TENM1: variants seen among roughly 807,000 people sequenced by gnomAD.
The protein encoded by TENM1 is teneurin transmembrane protein 1, also known as teneurin-1.
In TENM1, 35 loss-of-function variants were observed where a neutral mutation model predicts 174.8. The ratio of observed to expected loss-of-function variants is 0.20; its 90% CI spans 0.15 to 0.27. TENM1 has a LOEUF of 0.27. Among genes scored for constraint, TENM1 ranks in the 10% least tolerant of loss-of-function variants. The probability of loss-of-function intolerance (pLI) is 1.00; values close to 1 mark genes in which losing one functional copy is unlikely to be tolerated. For synonymous variants in TENM1, 781 were observed against 798.7 expected (o/e 0.98, Z 0.37); for missense variants, 1,633 against 2,130.1 (o/e 0.77, Z 4.59).
chrX:124,415,077 T>C (rs2060579461), intron 25 of TENM1, among the ~76,000 whole-genome samples: 1 of 112,185 alleles, frequency 8.9e-6, no homozygotes, highest in African/African-American at 3.2e-5. Context: ...GTAGGTCAAA[T>C]GCTGTGTTCT....
chrX:124,874,591 A>G (rs917371271), intron 3 of TENM1, among the ~76,000 whole-genome samples: 1 of 110,560 alleles, frequency 9.0e-6, no homozygotes, highest in Non-Finnish European at 1.9e-5. Context: ...TATGGCTTCT[A>G]GTTTTTTGGG....
At chrX:124,901,788 A>G (rs1170376075) in intron 1 of TENM1, among the ~76,000 whole-genome samples, 1 of 111,758 alleles carries the variant, frequency 8.9e-6, no homozygotes, top group African/African-American at 3.3e-5. Flanking sequence ...TTTTTCTAAA[A>G]TTCTACCTCC....
At chrX:124,950,525 T>C (rs976853780) in intron 1 of TENM1, among the ~76,000 whole-genome samples, 3 of 111,894 alleles carry the variant, frequency 2.7e-5, no homozygotes, top group African/African-American at 9.7e-5. Context: ...GATCAACAAA[T>C]AGGTATTGAA....
At chrX:124,722,611 C>T (rs777757379) in intron 4 of TENM1, among the ~76,000 whole-genome samples, 7 of 110,457 alleles carry the variant, frequency 6.3e-5, no homozygotes, top group Non-Finnish European at 1.1e-4. Context: ...AAGGCCGAAG[C>T]GGGCGGATCA....
chrX:124,580,953 C>G (rs1197734247), intron 11 of TENM1, among the ~76,000 whole-genome samples: 1 of 110,045 alleles, frequency 9.1e-6, no homozygotes, highest in African/African-American at 3.3e-5. Context: ...TTGGCTCCCA[C>G]TTATAAGCAA....
the TENM1 span, among the ~76,000 whole-genome samples, chrX:125,037,118 T>G: frequency 9.0e-6 from 1 of 111,628 alleles, no homozygotes; most frequent in Non-Finnish European, 1.9e-5. Context: ...ATTCGTTCCT[T>G]TATTCCTTTA....
At chrX:124,542,832 G>T (rs146441053) in intron 15 of TENM1, among the ~76,000 whole-genome samples, 1 of 111,203 alleles carries the variant, frequency 9.0e-6, no homozygotes, top group Non-Finnish European at 1.9e-5. Flanking sequence ...GTACTCCAGC[G>T]AACTAAGGGG....
chrX:124,976,917 C>T, the TENM1 span, among the ~76,000 whole-genome samples: 8 of 112,096 alleles, frequency 7.1e-5, no homozygotes, highest in South Asian at 3.0e-3. Flanking sequence ...AAGAACATAG[C>T]ACAAATAGAA....
At chrX:125,158,182 A>C in the TENM1 span, among the ~76,000 whole-genome samples, 2 of 109,969 alleles carry the variant, frequency 1.8e-5, no homozygotes, top group African/African-American at 6.6e-5. Context: ...AGGTGGGCAG[A>C]TCACGAGGTC....
intron 3 of TENM1, among the ~76,000 whole-genome samples, chrX:124,870,728 G>A (rs1003912447): frequency 7.2e-5 from 8 of 110,562 alleles, no homozygotes; most frequent in African/African-American, 2.6e-4. Flanking sequence ...AGAAGGAGGT[G>A]AGGTAACAAG....
chrX:124,455,800 C>T (rs983999151), intron 22 of TENM1, among the ~76,000 whole-genome samples: 1 of 111,186 alleles, frequency 9.0e-6, no homozygotes, highest in African/African-American at 3.3e-5. Context: ...TGAAGTGTTG[C>T]TCTTATGAGG....
intron 3 of TENM1, among the ~76,000 whole-genome samples, chrX:124,823,654 G>C (rs184079388): frequency 0.054 from 5,942 of 109,509 alleles, 261 homozygotes; most frequent in African/African-American, 0.14. Context: ...GTTTTTCCTC[G>C]TGAAAAAAAT....
intron 4 of TENM1, among the ~76,000 whole-genome samples, chrX:124,735,967 T>C (rs1482398217): frequency 1.8e-5 from 2 of 111,231 alleles, no homozygotes; most frequent in Non-Finnish European, 3.8e-5. Context: ...GTTAGAAAAT[T>C]ACCTATTGGG....
chrX:124,979,472 A>G, the TENM1 span, among the ~76,000 whole-genome samples: 1 of 111,908 alleles, frequency 8.9e-6, no homozygotes, highest in Non-Finnish European at 1.9e-5. Context: ...AAAATGTAAA[A>G]TGTTTCATTA....
intron 11 of TENM1, among the ~76,000 whole-genome samples, chrX:124,593,317 G>A (rs1438994579): frequency 9.0e-6 from 1 of 111,619 alleles, no homozygotes; most frequent in African/African-American, 3.3e-5. Context: ...CCAAATGCCT[G>A]GAGATCTGCC....
At chrX:124,532,726 TA>T (rs2048134013) in intron 15 of TENM1, among the ~76,000 whole-genome samples, 1 of 111,835 alleles carries the variant, frequency 8.9e-6, no homozygotes, top group Non-Finnish European at 1.9e-5. Flanking sequence ...CAGCATATGA[TA>T]AAACCCCATA....
At chrX:125,054,837 C>T in the TENM1 span, among the ~76,000 whole-genome samples, 3 of 111,337 alleles carry the variant, frequency 2.7e-5, no homozygotes, top group Admixed American at 2.9e-4. Context: ...TTGGCATGAC[C>T]TTTGTGAGGG....
the TENM1 span, among the ~76,000 whole-genome samples, chrX:125,144,729 C>A: frequency 4.0e-5 from 4 of 101,010 alleles, no homozygotes; most frequent in African/African-American, 1.5e-4. Context: ...TGGCACCTGG[C>A]AGGTGCTCAT....
intron 1 of TENM1, among the ~76,000 whole-genome samples, chrX:124,955,610 A>G (rs1470907715): frequency 9.0e-6 from 1 of 110,668 alleles, no homozygotes; most frequent in African/African-American, 3.3e-5. Context: ...ATGTATTTTC[A>G]CTGGTCATCT....
Sources: gnomAD v4.1 joint callset for allele counts (sites outside exome capture counted in the v4.1 genomes callset) on GRCh38, gnomAD v4.1.1 for gene constraint, MANE v1.5 for transcripts, NCBI Gene and HGNC (gene_info 2026-07-23, HGNC 2026-07-21) for gene names.